The following WDR36 variants were observed in gnomAD, a reference collection of about 807,000 sequenced individuals.
The protein encoded by WDR36 is WD repeat domain 36, also known as WD repeat-containing protein 36.
WDR36 carries 63 observed loss-of-function variants against 112.7 expected under a neutral mutation model. That is an observed-to-expected ratio of 0.56 (90% CI 0.46 to 0.69). The LOEUF (loss-of-function observed/expected upper bound fraction) is 0.69. Among genes scored for constraint, WDR36 ranks in the 30% least tolerant of loss-of-function variants. The probability of loss-of-function intolerance (pLI) is 0.00; values close to 1 mark genes in which losing one functional copy is unlikely to be tolerated. For missense variants in WDR36, 1,226 were observed against 1,070.3 expected (o/e 1.15, Z -2.03); for synonymous variants, 410 against 362.2 (o/e 1.13, Z -1.50).
chr5:111,104,941 G>T, intron 9 of WDR36, 124 bp downstream of exon 9: 1 of 1,469,530 alleles, frequency 6.8e-7, no homozygotes. Flanking sequence ...TAGAAGTCTG[G>T]GTAAAACTAA....
intron 5 of WDR36, 114 bp downstream of exon 5, chr5:111,100,835 G>T: frequency 2.7e-6 from 3 of 1,110,536 alleles, no homozygotes; most frequent in Non-Finnish European, 3.9e-6. Flanking sequence ...TTGGAGGGTT[G>T]TCTATAAATA....
chr5:111,100,000 T>A (rs1439850890), intron 4 of WDR36, among the ~76,000 whole-genome samples: 1 of 152,048 alleles, frequency 6.6e-6, no homozygotes, highest in Non-Finnish European at 1.5e-5. Context: ...TCAGAGAATT[T>A]TTTTATCTTG....
rs950227054 is a variant in WDR36, at chr5:111,107,203, C to A, written c.1181-91C>A. 20 of 1,425,552 alleles carry A rather than the reference C, an allele frequency of 1.4e-5. No individual in the cohort carries two copies. In the South Asian group the frequency reaches 2.2e-4, roughly 16 times the overall value. The allele number at this position is 1,425,552 out of a possible 1,614,324, so 88.3% of individuals were successfully genotyped here. The stretch of plus-strand genomic sequence containing the variant: ...TTACCTGTTTGTTTTACCATTGTAT[C>A]CCTAGTGTCTGAAATATTGGATGCC... On this transcript the variant is annotated intron_variant, in intron 11 of 22. Coordinates refer to ENST00000513710, the MANE Select transcript of WDR36 (RefSeq NM_139281.3).
intron 1 of WDR36, 49 bp from the exon 2 acceptor site, chr5:111,094,871 A>G: frequency 6.9e-7 from 1 of 1,449,658 alleles, no homozygotes; most frequent in Middle Eastern, 1.9e-4. Context: ...TTAGGTTATT[A>G]TGATTATGTT....
rs988165650 is a variant in WDR36, at chr5:111,113,149, G to T, written c.1792G>T (p.Gly598Trp). The T allele has an allele frequency of 1.3e-6, 2 of 1,581,482 alleles. No individual in the cohort carries two copies. Among genetic ancestry groups the T allele is most frequent in the Admixed American group, 1.7e-5 (1 of 59,184 alleles). Residue 598 changes from glycine to tryptophan, a missense_variant, in exon 16 of 23, where the codon GGG (glycine) becomes TGG (tryptophan). By Grantham distance (184) the Gly-to-Trp change is radical. Coordinates refer to ENST00000513710, the MANE Select transcript of WDR36 (RefSeq NM_139281.3). ...TATTAGGACTTGGGACCTTCCTTCTGGGTGGTAAGTTTATATTTCTAATTC... is the reference window on the plus strand; with the variant it reads ...TATTAGGACTTGGGACCTTCCTTCTTGGTGGTAAGTTTATATTTCTAATTC... ...CSIRTWDLPS[G>W]CLIDCFLLDS...
At chr5:111,100,000 T>C (rs1439850890) in intron 4 of WDR36, among the ~76,000 whole-genome samples, 1 of 152,048 alleles carries the variant, frequency 6.6e-6, no homozygotes, top group Non-Finnish European at 1.5e-5. Flanking sequence ...TCAGAGAATT[T>C]TTTTATCTTG....
At position 111,110,250 on chromosome 5, in the gene WDR36, A is replaced by T. The variant is rs778495847; in HGVS notation, c.1388A>T (p.Asp463Val). ...AVIGLSSGTV[D>V]VYNMQSGIHR... Reference sequence around the variant, plus strand: ...ATTGGCCTCTCATCAGGAACTGTAGATGTATATAACATGCAGTCTGGCATA... The same window carrying T: ...ATTGGCCTCTCATCAGGAACTGTAGTTGTATATAACATGCAGTCTGGCATA... The change falls in exon 13 of 23, where the codon GAT becomes GTT. Residue 463 changes from aspartate (D) to valine (V), a missense_variant. By Grantham distance (152) the Asp-to-Val change is radical. Transcript: ENST00000513710. 17 of 1,611,054 alleles carry T rather than the reference A, an allele frequency of 1.1e-5. No homozygotes were observed. The highest frequency in any genetic ancestry group is 5.4e-5 in the African/African-American group (4 of 74,744).
rs372111751 is a variant in WDR36 at position 111,123,913 on chromosome 5, G to A, written c.2257G>A (p.Asp753Asn). 2 of 1,613,564 alleles carry A rather than the reference G, an allele frequency of 1.2e-6. No homozygotes were observed. Among genetic ancestry groups the A allele is most frequent in the African/African-American group, 1.3e-5 (1 of 75,002 alleles). Residue 753 changes from aspartate to asparagine, a missense_variant, in exon 20 of 23, where the codon GAT (aspartate) becomes AAT (asparagine). By Grantham distance (23) the Asp-to-Asn change is conservative. Coordinates refer to ENST00000513710, the MANE Select transcript of WDR36 (RefSeq NM_139281.3). ...PRYAAPEQNNDPQQSKVVNLG... is the reference protein window; with the variant it reads ...PRYAAPEQNNNPQQSKVVNLG... ...ATATGCTGCACCTGAACAAAATAAT[G>A]ATCCCCAGCAGGTAAAAAACAAATT... is the stretch of plus-strand genomic sequence containing the variant.
intron 15 of WDR36, among the ~76,000 whole-genome samples, chr5:111,112,391 C>G (rs1753359667): frequency 6.6e-6 from 1 of 151,908 alleles, no homozygotes. Context: ...TTTGAGTTCC[C>G]ATTGTATTAC....
At chr5:111,117,796 A>G (rs1463867416) in intron 16 of WDR36, among the ~76,000 whole-genome samples, 2 of 152,156 alleles carry the variant, frequency 1.3e-5, no homozygotes, top group Non-Finnish European at 2.9e-5. Flanking sequence ...GTACCTTCCT[A>G]TGGATAATAT....
intron 17 of WDR36, 125 bp downstream of exon 17, chr5:111,119,245 CA>C: frequency 1.3e-6 from 1 of 780,990 alleles, no homozygotes; most frequent in East Asian, 2.5e-5. Context: ...CAAGTTAACA[CA>C]GATACTTAAT....
At chr5:111,110,427 C>A (rs1471593503) in intron 13 of WDR36, 124 bp downstream of exon 13, 2 of 793,470 alleles carry the variant, frequency 2.5e-6, no homozygotes, top group Non-Finnish European at 4.3e-6. Flanking sequence ...TTATAATCAA[C>A]CCTATATGGC....
At chr5:111,108,407 T>A (rs1753261620) in intron 12 of WDR36, among the ~76,000 whole-genome samples, 1 of 151,354 alleles carries the variant, frequency 6.6e-6, no homozygotes, top group African/African-American at 2.4e-5. Flanking sequence ...TGAAAATGCT[T>A]ATTAAAAGTG....
At chr5:111,094,989 T>G (rs1355437400) in intron 2 of WDR36, 42 bp downstream of exon 2, 1 of 1,561,370 alleles carries the variant, frequency 6.4e-7, no homozygotes, top group South Asian at 1.2e-5. Flanking sequence ...CATCTAAACT[T>G]TTTTTTTATT....
chr5:111,106,102 C>T lies in WDR36; in HGVS notation c.1139C>T (p.Thr380Ile), dbSNP rs972274716. ...GTTAAACGTAAAGGACTTCAGAATA[C>T]CATGTCAGTGAGACTTCCACCCATC... The part of the protein sequence containing the change: ...KRVKRKGLQN[T>I]MSVRLPPITK... Residue 380 changes from threonine to isoleucine, a missense_variant, in exon 11 of 23, where the codon ACC (threonine) becomes ATC (isoleucine). Transcript: ENST00000513710. The T allele has an allele frequency of 6.2e-7, 1 of 1,610,010 alleles. No individual in the cohort carries two copies. Among genetic ancestry groups the T allele is most frequent in the Non-Finnish European group, 8.5e-7 (1 of 1,177,142 alleles).
intron 16 of WDR36, among the ~76,000 whole-genome samples, chr5:111,116,109 A>AT (rs397974407): frequency 0.024 from 3,525 of 144,300 alleles, 135 homozygotes; most frequent in African/African-American, 0.083. Flanking sequence ...TGCCTGGCTA[A>AT]TTTTTTTTTT....
Position 111,094,965 on chromosome 5 carries a change from T to G in WDR36, c.190+18T>G. On this transcript the variant is annotated intron_variant, in intron 2 of 22. Transcript: ENST00000513710. ...TGCAGTAAGTAAGTATGGACTTTAT[T>G]CTGAATTTATGCACATCTAAACTTT... The G allele has an allele frequency of 6.2e-7, 1 of 1,602,938 alleles. No individual in the cohort carries two copies. Among genetic ancestry groups the G allele is most frequent in the Non-Finnish European group, 8.5e-7 (1 of 1,173,064 alleles).
rs768932838 is a variant in WDR36, at chr5:111,126,930, A to T, written c.*47A>T. On this transcript the variant is annotated 3_prime_UTR_variant, in exon 23 of 23. Transcript: ENST00000513710. ...AAGACTTTCATATTAAATGGGTTCAATTGAACTCATTTCTTATTTTCCAAG... is the reference window on the plus strand; with the variant it reads ...AAGACTTTCATATTAAATGGGTTCATTTGAACTCATTTCTTATTTTCCAAG... 4.7e-6 allele frequency: 7 copies of T among 1,491,680 alleles called. No individual in the cohort carries two copies. The highest frequency in any genetic ancestry group is 5.4e-6 in the Non-Finnish European group (6 of 1,106,002). 92.4% of individuals were successfully genotyped at this position (1,491,680 alleles called of 1,614,324 possible). A position where few individuals can be genotyped will look rare whatever the true frequency, so the allele number is the denominator to read the frequency against.
chr5:111,099,209 G>A (rs1305026398), intron 4 of WDR36, among the ~76,000 whole-genome samples: 1 of 151,988 alleles, frequency 6.6e-6, no homozygotes, highest in Non-Finnish European at 1.5e-5. Context: ...TAGTAAACTT[G>A]ATCTTGTAAT....
Sources: allele counts gnomAD v4.1 joint callset (sites outside exome capture counted in the v4.1 genomes callset), GRCh38; gene constraint gnomAD v4.1.1; transcripts MANE v1.5; gene names NCBI Gene and HGNC (gene_info 2026-07-23, HGNC 2026-07-21).